CDYL: variants seen among roughly 807,000 people sequenced by gnomAD.
CDYL encodes chromodomain Y like, also known as chromodomain Y-like protein.
A neutral mutation model predicts 47.3 loss-of-function variants in CDYL; 8 were observed. The ratio of observed to expected loss-of-function variants is 0.17; its 90% CI spans 0.10 to 0.31. CDYL has a LOEUF of 0.31. Ranked by LOEUF, CDYL falls within the 10% of genes least tolerant of loss-of-function variation. CDYL has a pLI of 1.00. For synonymous variants in CDYL, 266 were observed against 265.0 expected, an observed-to-expected ratio of 1.00 and a Z score of -0.04; for missense variants, 471 against 701.4, an observed-to-expected ratio of 0.67 and a Z score of 3.71.
chr6:4,906,370 G>A (rs1757237195), intron 2 of CDYL, among the ~76,000 whole-genome samples: 1 of 152,204 alleles, frequency 6.6e-6, no homozygotes, highest in African/African-American at 2.4e-5. Context: ...CATAACGTGA[G>A]CATTATCAGC....
chr6:4,874,712 C>G lies in CDYL; in HGVS notation c.25-17001C>G, dbSNP rs144760746. ...ACATTTTCACCACCTGACAGTTTCT[C>G]TGGGCTCCCATCGCCCCATCACCAT... On this transcript the variant is annotated intron_variant, in intron 1 of 6. Coordinates refer to ENST00000397588, the MANE Select transcript of CDYL (RefSeq NM_004824.4). Among the ~76,000 whole-genome samples the G allele has an allele frequency of 8.1e-3, 1,237 of 152,344 alleles. 16 individuals carry two copies. The highest frequency in any genetic ancestry group is 0.028 in the African/African-American group (1,176 of 41,566).
intron 2 of CDYL, among the ~76,000 whole-genome samples, chr6:4,719,679 A>C (rs1355016442): frequency 2.0e-5 from 3 of 152,190 alleles, no homozygotes; most frequent in Non-Finnish European, 2.9e-5. Context: ...TGGCTGATAG[A>C]CTTCAAAGTC....
intron 1 of CDYL, among the ~76,000 whole-genome samples, chr6:4,783,569 A>C (rs1246349454): frequency 1.3e-5 from 2 of 151,934 alleles, no homozygotes; most frequent in Non-Finnish European, 2.9e-5. Context: ...GGCATGCACC[A>C]CCATGCCTGG....
chr6:4,892,787 T>C (rs765971996), intron 2 of CDYL, among the ~76,000 whole-genome samples: 2 of 152,218 alleles, frequency 1.3e-5, no homozygotes, highest in Admixed American at 6.5e-5. Flanking sequence ...CTTATTTTGC[T>C]CATCTGTGTG....
chr6:4,768,864 T>C (rs957497196), intron 3 of CDYL, among the ~76,000 whole-genome samples: 3 of 152,206 alleles, frequency 2.0e-5, no homozygotes, highest in African/African-American at 4.8e-5. Flanking sequence ...GTAGGTATCC[T>C]TGATACAATG....
In CDYL at chr6:4,943,770, T is replaced by TG. The variant is rs377158168; in HGVS notation, c.1332+14_1332+15insG. 4.8e-5 allele frequency: 56 copies of TG among 1,173,448 alleles called. No individual in the cohort carries two copies. Among genetic ancestry groups the TG allele is most frequent in the Admixed American group, 2.0e-4 (8 of 40,570 alleles). The allele number at this position is 1,173,448 out of a possible 1,614,324, so 72.7% of individuals were successfully genotyped here. A position where few individuals can be genotyped will look rare whatever the true frequency, so the allele number is the denominator to read the frequency against. ...GGAGGAGCATCTGTGAGTACCTTTTTAAAAAAAAAAAAAAAAAGTCATTCT... is the reference window on the plus strand; with the variant it reads ...GGAGGAGCATCTGTGAGTACCTTTTTGAAAAAAAAAAAAAAAAAGTCATTCT... On this transcript the variant is annotated intron_variant, in intron 5 of 6. Coordinates refer to ENST00000397588, the MANE Select transcript of CDYL (RefSeq NM_004824.4).
intron 1 of CDYL, among the ~76,000 whole-genome samples, chr6:4,872,991 A>G (rs1181071067): frequency 6.6e-6 from 1 of 152,246 alleles, no homozygotes; most frequent in Non-Finnish European, 1.5e-5. Context: ...CTTTTGAGGT[A>G]TCTGAAGAAT....
chr6:4,814,597 C>T (rs373402148), intron 1 of CDYL, among the ~76,000 whole-genome samples: 109 of 152,282 alleles, frequency 7.2e-4, no homozygotes, highest in African/African-American at 2.4e-3. Flanking sequence ...AGTCCTGGCT[C>T]ATACTGCAGC....
chr6:4,867,467 T>A (rs922121076), intron 1 of CDYL, among the ~76,000 whole-genome samples: 5 of 152,140 alleles, frequency 3.3e-5, no homozygotes, highest in African/African-American at 1.2e-4. Flanking sequence ...TTTTATAGAT[T>A]TCCTTATCAA....
At chr6:4,716,865 G>A (rs1451533839) in intron 2 of CDYL, among the ~76,000 whole-genome samples, 6 of 152,124 alleles carry the variant, frequency 3.9e-5, no homozygotes, top group Non-Finnish European at 8.8e-5. Flanking sequence ...CTTTCATTCT[G>A]CAAGCCGAAA....
At chr6:4,843,776 G>T (rs1018234295) in intron 1 of CDYL, among the ~76,000 whole-genome samples, 1 of 151,774 alleles carries the variant, frequency 6.6e-6, no homozygotes, top group South Asian at 2.1e-4. Flanking sequence ...CCATTCTCTG[G>T]TGCCTCCTTG....
chr6:4,785,529 T>C (rs1328803331), intron 1 of CDYL, among the ~76,000 whole-genome samples: 2 of 152,240 alleles, frequency 1.3e-5, no homozygotes, highest in African/African-American at 4.8e-5. Context: ...TACCCATTTT[T>C]CATTAGTAGT....
intron 1 of CDYL, among the ~76,000 whole-genome samples, chr6:4,861,503 G>T (rs552324822): frequency 6.6e-6 from 1 of 152,322 alleles, no homozygotes; most frequent in Non-Finnish European, 1.5e-5. Flanking sequence ...AGTAAATCAT[G>T]GTCTGCCTTT....
At chr6:4,767,464 T>C (rs957843299) in intron 3 of CDYL, among the ~76,000 whole-genome samples, 1 of 152,050 alleles carries the variant, frequency 6.6e-6, no homozygotes, top group South Asian at 2.1e-4. Flanking sequence ...TCCCAGCTAC[T>C]TGGGAGGCTG....
At chr6:4,897,269 A>G (rs547835403) in intron 2 of CDYL, among the ~76,000 whole-genome samples, 1 of 152,384 alleles carries the variant, frequency 6.6e-6, no homozygotes, top group Admixed American at 6.5e-5. Flanking sequence ...TGTAAACCTT[A>G]TCAGTGTTGT....
chr6:4,851,011 T>C (rs1205606715), intron 1 of CDYL, among the ~76,000 whole-genome samples: 1 of 152,224 alleles, frequency 6.6e-6, no homozygotes, highest in East Asian at 1.9e-4. Context: ...CTAGGGTCTG[T>C]GGCTCTCGAC....
At chr6:4,758,919 G>A (rs956772078) in intron 3 of CDYL, among the ~76,000 whole-genome samples, 1 of 149,146 alleles carries the variant, frequency 6.7e-6, no homozygotes, top group African/African-American at 2.5e-5. Context: ...GACATAGAGT[G>A]AAGAGGCTCT....
At chr6:4,951,162 T>C (rs1030160989) in intron 5 of CDYL, among the ~76,000 whole-genome samples, 3 of 152,070 alleles carry the variant, frequency 2.0e-5, no homozygotes, top group Non-Finnish European at 2.9e-5. Flanking sequence ...GCCAAAACTG[T>C]CTTTTGTGAT....
intron 1 of CDYL, among the ~76,000 whole-genome samples, chr6:4,848,314 G>A (rs917779248): frequency 3.0e-4 from 45 of 152,118 alleles, no homozygotes; most frequent in Admixed American, 7.9e-4. Flanking sequence ...GATTCTTGGT[G>A]CTTTTTTTCC....
Sources: gnomAD v4.1 joint callset for allele counts (sites outside exome capture counted in the v4.1 genomes callset) on GRCh38, gnomAD v4.1.1 for gene constraint, MANE v1.5 for transcripts, NCBI Gene and HGNC (gene_info 2026-07-23, HGNC 2026-07-21) for gene names.